THSD7A: variants seen among roughly 807,000 people sequenced by gnomAD.
The protein encoded by THSD7A is thrombospondin type 1 domain containing 7A.
In THSD7A, 96 loss-of-function variants were observed where a neutral mutation model predicts 231.3. The observed-to-expected ratio is 0.41, with a 90% confidence interval of 0.35 to 0.49. The LOEUF (loss-of-function observed/expected upper bound fraction) is 0.49. Among genes scored for constraint, THSD7A ranks in the 20% least tolerant of loss-of-function variants. THSD7A has a pLI of 0.05. For synonymous variants in THSD7A, 940 were observed against 743.3 expected (o/e 1.26, Z -4.30); for missense variants, 2,290 against 2,070.2 (o/e 1.11, Z -2.06).
At chr7:11,584,024 T>G (rs1207108060) in intron 4 of THSD7A, among the ~76,000 whole-genome samples, 1 of 152,210 alleles carries the variant, frequency 6.6e-6, no homozygotes, top group Non-Finnish European at 1.5e-5. Context: ...TTGAGATTAA[T>G]GAAGTAATGC....
At chr7:11,478,144 A>G (rs1476671210) in intron 7 of THSD7A, among the ~76,000 whole-genome samples, 2 of 152,104 alleles carry the variant, frequency 1.3e-5, no homozygotes, top group Non-Finnish European at 2.9e-5. Context: ...ACCCATTGTT[A>G]TCTCCATTGC....
chr7:11,380,916 C>T (rs1171808418), intron 24 of THSD7A, among the ~76,000 whole-genome samples: 1 of 151,902 alleles, frequency 6.6e-6, no homozygotes, highest in Non-Finnish European at 1.5e-5. Context: ...TTTTAAAATT[C>T]GACTTACCTT....
chr7:11,493,726 C>G lies in THSD7A; in HGVS notation c.1823-11744G>C, dbSNP rs150606817. On this transcript the variant is annotated intron_variant, in intron 6 of 27. Coordinates refer to ENST00000423059, the MANE Select transcript of THSD7A (RefSeq NM_015204.3). ...GTTCTTTTTTGTTGTTCATCTCATG[C>G]TCTGAGTTGAAGCAATTATTTAAGT... 5.7e-3 allele frequency among the ~76,000 whole-genome samples: 868 copies of G among 152,076 alleles called. 5 individuals are homozygous for G. Among genetic ancestry groups the G allele is most frequent in the Non-Finnish European group, 9.5e-3 (647 of 67,930 alleles).
In THSD7A at chr7:11,373,708, C is replaced by CAG. The variant is rs1288360870; in HGVS notation, c.*2085_*2086insCT. 1 of 151,948 alleles carries CAG rather than the reference C, an allele frequency of 6.6e-6. No individual in the cohort carries two copies. The highest frequency in any genetic ancestry group is 1.5e-5 in the Non-Finnish European group (1 of 67,960). The allele number at this position is 151,948 out of a possible 1,614,324, so 9.4% of individuals were successfully genotyped here. Reference sequence around the variant, plus strand: ...ATCCTAACCTGATGTCTTTTGTAATCTTTGCAAATACTCTAATGAACAGCA... The same window carrying CAG: ...ATCCTAACCTGATGTCTTTTGTAATCAGTTTGCAAATACTCTAATGAACAGCA... On this transcript the variant is annotated 3_prime_UTR_variant, in exon 28 of 28. Coordinates refer to ENST00000423059, the MANE Select transcript of THSD7A (RefSeq NM_015204.3).
intron 1 of THSD7A, among the ~76,000 whole-genome samples, chr7:11,790,733 C>A (rs749714025): frequency 1.3e-5 from 2 of 151,746 alleles, no homozygotes; most frequent in Non-Finnish European, 2.9e-5. Flanking sequence ...ATAGGTACAT[C>A]TATGTAAATG....
At chr7:11,616,292 A>G (rs1781100063) in intron 2 of THSD7A, among the ~76,000 whole-genome samples, 1 of 152,176 alleles carries the variant, frequency 6.6e-6, no homozygotes, top group African/African-American at 2.4e-5. Flanking sequence ...AGGAAGACCC[A>G]TTATCACAAA....
chr7:11,656,041 T>C (rs1340600284), intron 1 of THSD7A, among the ~76,000 whole-genome samples: 1 of 151,874 alleles, frequency 6.6e-6, no homozygotes, highest in Non-Finnish European at 1.5e-5. Context: ...CTGATACAGG[T>C]TCTTGAGGTG....
intron 1 of THSD7A, among the ~76,000 whole-genome samples, chr7:11,769,135 A>ATTTTT (rs1562541189): frequency 2.7e-5 from 1 of 36,606 alleles, no homozygotes; most frequent in Non-Finnish European, 6.1e-5. Context: ...ATATATATAT[A>ATTTTT]TATATATATA....
chr7:11,820,205 G>A (rs1251150901), intron 1 of THSD7A: 3 of 344,826 alleles, frequency 8.7e-6, no homozygotes, highest in Non-Finnish European at 1.6e-5. Context: ...GCTGGTGAGG[G>A]GTGGGGGTAG....
At chr7:11,824,879 T>G (rs1784979709) in intron 1 of THSD7A, among the ~76,000 whole-genome samples, 1 of 152,134 alleles carries the variant, frequency 6.6e-6, no homozygotes, top group Non-Finnish European at 1.5e-5. Context: ...ATGTAAAATA[T>G]CAAATTTTTG....
At chr7:11,777,923 G>C (rs1783473698) in intron 1 of THSD7A, among the ~76,000 whole-genome samples, 2 of 151,432 alleles carry the variant, frequency 1.3e-5, no homozygotes, top group East Asian at 3.9e-4. Flanking sequence ...GCCGAGGCGG[G>C]CGGATCACGA....
At chr7:11,601,817 T>C (rs1431545501) in intron 2 of THSD7A, among the ~76,000 whole-genome samples, 1 of 152,158 alleles carries the variant, frequency 6.6e-6, no homozygotes, top group Admixed American at 6.6e-5. Context: ...ATACTCTCAA[T>C]AATCTTCTTA....
intron 2 of THSD7A, among the ~76,000 whole-genome samples, chr7:11,631,147 G>A (rs1051532237): frequency 3.9e-5 from 6 of 152,212 alleles, no homozygotes; most frequent in Non-Finnish European, 7.3e-5. Flanking sequence ...CCAATAAGAA[G>A]AGCCTTGGAT....
chr7:11,821,649 C>T (rs894807970), intron 1 of THSD7A, among the ~76,000 whole-genome samples: 1 of 152,070 alleles, frequency 6.6e-6, no homozygotes, highest in African/African-American at 2.4e-5. Flanking sequence ...ATAGCTTTTC[C>T]TGAATCTACT....
chr7:11,540,611 C>T (rs1444746390), intron 6 of THSD7A, among the ~76,000 whole-genome samples: 3 of 152,156 alleles, frequency 2.0e-5, no homozygotes, highest in Non-Finnish European at 4.4e-5. Context: ...TAGAGATGAT[C>T]TTGTCCAGAG....
Position 11,465,240 on chromosome 7 carries a change from TA to T in THSD7A, c.2369-3098del, listed in dbSNP as rs1785652525. ...TTAGCACCTTCTATTTCTTTCCACT[TA>T]TTCCTTTATAGTGGTAAGCGCACAG... On this transcript the variant is annotated intron_variant, in intron 9 of 27. Transcript: ENST00000423059. Among the ~76,000 whole-genome samples, 3 of 152,166 alleles carry T rather than the reference TA, an allele frequency of 2.0e-5. No individual in the cohort carries two copies. The South Asian group carries it at 6.2e-4, about 32-fold the overall frequency.
intron 11 of THSD7A, among the ~76,000 whole-genome samples, chr7:11,449,388 G>T (rs1011497730): frequency 6.6e-6 from 1 of 152,018 alleles, no homozygotes; most frequent in African/African-American, 2.4e-5. Context: ...TTTTCAAGAT[G>T]CTCAGGTGAT....
In THSD7A at chr7:11,406,181, A is replaced by G. The variant is rs141305645; in HGVS notation, c.4237+119T>C. The G allele has an allele frequency of 1.6e-4, 162 of 1,025,308 alleles. No individual in the cohort carries two copies. The African/African-American group carries it at 2.0e-3, about 13-fold the overall frequency. 63.5% of individuals were successfully genotyped at this position (1,025,308 alleles called of 1,614,324 possible). A position where few individuals can be genotyped will look rare whatever the true frequency, so the allele number is the denominator to read the frequency against. ...GCATAGTGTTGAGCTGTTGGCATAG[A>G]TATTACTGAATAAGAAGACTGTTGA... On this transcript the variant is annotated intron_variant, in intron 22 of 27. Coordinates refer to ENST00000423059, the MANE Select transcript of THSD7A (RefSeq NM_015204.3). This position sits in a 1 kb window ranked among gnomAD's most constrained non-coding sequence, Gnocchi z 4.7.
At chr7:11,745,395 G>A (rs963523777) in intron 1 of THSD7A, among the ~76,000 whole-genome samples, 1 of 151,970 alleles carries the variant, frequency 6.6e-6, no homozygotes, top group African/African-American at 2.4e-5. Flanking sequence ...TTTGTAGGTT[G>A]CTTGTTCACT....
Sources: allele counts gnomAD v4.1 joint callset (sites outside exome capture counted in the v4.1 genomes callset), GRCh38; gene constraint gnomAD v4.1.1; non-coding constraint Gnocchi (gnomAD v3.1); transcripts MANE v1.5; gene names NCBI Gene and HGNC (gene_info 2026-07-23, HGNC 2026-07-21).